Variants in TXNDC11 observed in about 807,000 individuals in gnomAD.
TXNDC11 encodes thioredoxin domain containing 11, also known as thioredoxin domain-containing protein 11.
In TXNDC11, 68 loss-of-function variants were observed where a neutral mutation model predicts 78.0. That is an observed-to-expected ratio of 0.87 (90% confidence interval 0.72 to 1.07). The LOEUF (loss-of-function observed/expected upper bound fraction) is 1.07. Ranked by LOEUF, TXNDC11 falls within the 50% of genes least tolerant of loss-of-function variation. TXNDC11 has a pLI of 0.00. For missense variants in TXNDC11, 1,389 were observed against 1,221.8 expected (o/e 1.14, Z -2.04); for synonymous variants, 571 against 495.2 (o/e 1.15, Z -2.03).
At chr16:11,705,041 T>G (rs1052172392) in intron 5 of TXNDC11, among the ~76,000 whole-genome samples, 1 of 152,064 alleles carries the variant, frequency 6.6e-6, no homozygotes, top group Non-Finnish European at 1.5e-5. Context: ...ATTATAGGCA[T>G]GCACCCCCAT....
chr16:11,702,134 A>T (rs947247184), intron 5 of TXNDC11, among the ~76,000 whole-genome samples: 1 of 151,768 alleles, frequency 6.6e-6, no homozygotes, highest in African/African-American at 2.4e-5. Flanking sequence ...CTACAGGCAC[A>T]TATGTTTAGA....
intron 5 of TXNDC11, among the ~76,000 whole-genome samples, chr16:11,705,973 T>A (rs1341953985): frequency 6.6e-6 from 1 of 152,208 alleles, no homozygotes; most frequent in East Asian, 1.9e-4. Context: ...AAATGAATTA[T>A]TTTGTCCTAA....
At chr16:11,726,438 G>A (rs577928835) in intron 4 of TXNDC11, among the ~76,000 whole-genome samples, 15 of 151,796 alleles carry the variant, frequency 9.9e-5, no homozygotes, top group South Asian at 4.2e-4. Flanking sequence ...AAAATTAACC[G>A]GGCATGGTGG....
chr16:11,690,309 G>A (rs2050674579), intron 8 of TXNDC11, among the ~76,000 whole-genome samples: 1 of 152,166 alleles, frequency 6.6e-6, no homozygotes, highest in Non-Finnish European at 1.5e-5. Context: ...AGTCCCAGGG[G>A]CAAGCTCTGG....
At chr16:11,736,434 C>T (rs778521880) in intron 1 of TXNDC11, among the ~76,000 whole-genome samples, 2 of 152,216 alleles carry the variant, frequency 1.3e-5, no homozygotes, top group Non-Finnish European at 2.9e-5. Flanking sequence ...CTCTGAGATT[C>T]TGTCCCCTAG....
intron 8 of TXNDC11, chr16:11,690,982 A>C: frequency 5.4e-6 from 2 of 367,002 alleles, no homozygotes; most frequent in South Asian, 3.0e-5. Flanking sequence ...CCAAGTCCCC[A>C]CTGCCTGCAG....
chr16:11,682,287 AATTCC>A (rs886322155), intron 11 of TXNDC11, among the ~76,000 whole-genome samples: 5 of 152,214 alleles, frequency 3.3e-5, no homozygotes, highest in Admixed American at 6.5e-5. Context: ...AAATGAGAAA[AATTCC>A]ATTCCAAAGC....
chr16:11,737,318 G>A (rs931988828), intron 1 of TXNDC11, among the ~76,000 whole-genome samples: 2 of 151,624 alleles, frequency 1.3e-5, no homozygotes, highest in East Asian at 1.9e-4. Flanking sequence ...GGTGATGGGC[G>A]CCTGTAATCC....
chr16:11,684,355 T>G (rs1231552894), intron 10 of TXNDC11, 110 bp from the exon 11 acceptor site: 3 of 729,628 alleles, frequency 4.1e-6, no homozygotes, highest in Non-Finnish European at 7.1e-6. Context: ...ACACCCCACA[T>G]TGGGCTAGTC....
chr16:11,702,088 A>G (rs940766510), intron 5 of TXNDC11, among the ~76,000 whole-genome samples: 26 of 134,608 alleles, frequency 1.9e-4, no homozygotes, highest in Non-Finnish European at 3.7e-4. Context: ...GTATGTATGT[A>G]TGTGTATATA....
intron 5 of TXNDC11, among the ~76,000 whole-genome samples, chr16:11,720,282 G>A (rs1365004780): frequency 2.0e-5 from 3 of 152,098 alleles, no homozygotes; most frequent in Non-Finnish European, 4.4e-5. Context: ...TGTGACATGC[G>A]TTTTATACCT....
chr16:11,738,800 G>A (rs1397891455), intron 1 of TXNDC11, among the ~76,000 whole-genome samples: 2 of 152,180 alleles, frequency 1.3e-5, no homozygotes, highest in South Asian at 2.1e-4. Context: ...GACAGAGGCG[G>A]GTGGATCACA....
At chr16:11,702,994 C>T (rs1422793673) in intron 5 of TXNDC11, among the ~76,000 whole-genome samples, 2 of 152,108 alleles carry the variant, frequency 1.3e-5, no homozygotes, top group Non-Finnish European at 2.9e-5. Context: ...GGACTGGAAA[C>T]GGGAAGGCAG....
chr16:11,691,730 G>A lies in TXNDC11; in HGVS notation c.1460C>T (p.Ser487Leu). Reference sequence around the variant, plus strand: ...AAAATTGCTGCATTCTATGCTGTCTGATGCCACATGATAAAAGGTCTGCTC... The same window carrying A: ...AAAATTGCTGCATTCTATGCTGTCTAATGCCACATGATAAAAGGTCTGCTC... ...LKEQTFYHVA[S>L]DSIECSNFLT... The change falls in exon 8 of 12, where the codon TCA becomes TTA. Residue 487 changes from serine (S) to leucine (L), a missense_variant. By Grantham distance (145) the Ser-to-Leu change is moderately radical. Coordinates refer to ENST00000283033, the MANE Select transcript of TXNDC11 (RefSeq NM_015914.7). 1 of 1,614,220 alleles carries A rather than the reference G, an allele frequency of 6.2e-7. No homozygotes were observed. The highest frequency in any genetic ancestry group is 8.5e-7 in the Non-Finnish European group (1 of 1,180,052).
intron 5 of TXNDC11, among the ~76,000 whole-genome samples, chr16:11,719,794 A>G (rs1351159914): frequency 6.6e-6 from 1 of 152,176 alleles, no homozygotes; most frequent in Non-Finnish European, 1.5e-5. Flanking sequence ...ACATACATAA[A>G]TGCAAACTGT....
chr16:11,729,464 T>TAG (rs35082889), intron 4 of TXNDC11, among the ~76,000 whole-genome samples: 91,891 of 151,920 alleles, frequency 0.6, 28,540 homozygotes, highest in African/African-American at 0.72. Flanking sequence ...AACACATATG[T>TAG]AGTTTCCAAC....
chr16:11,690,081 G>A (rs1428066924), intron 8 of TXNDC11: 2 of 152,230 alleles, frequency 1.3e-5, no homozygotes, highest in Non-Finnish European at 2.9e-5. Context: ...TAGAAGCTCT[G>A]AGTCTACTGT....
At chr16:11,706,292 GGT>G (rs1379725607) in intron 5 of TXNDC11, among the ~76,000 whole-genome samples, 1 of 152,200 alleles carries the variant, frequency 6.6e-6, no homozygotes, top group Non-Finnish European at 1.5e-5. Context: ...AGAAGGTCAA[GGT>G]GACCACAGCC....
Position 11,679,429 on chromosome 16 carries a change from G to A in TXNDC11, c.2643C>T (p.Ala881=), listed in dbSNP as rs377433544. ...QELARKLQEL[A]DASENLLTEN... Reference sequence around the variant, plus strand: ...CGGTAAGGAGGTTTTCTGAGGCATCGGCCAGCTCCTGCAGCTTGCGGGCCA... The same window carrying A: ...CGGTAAGGAGGTTTTCTGAGGCATCAGCCAGCTCCTGCAGCTTGCGGGCCA... Residue 881 remains alanine, a synonymous_variant, in exon 12 of 12, where the codon GCC becomes GCT. Coordinates refer to ENST00000283033, the MANE Select transcript of TXNDC11 (RefSeq NM_015914.7). This position sits in a 1 kb window ranked among gnomAD's most constrained non-coding sequence, Gnocchi z 4.6. The A allele has an allele frequency of 5.2e-5, 84 of 1,613,236 alleles. No individual in the cohort carries two copies. The highest frequency in any genetic ancestry group is 6.7e-5 in the African/African-American group (5 of 74,852).
Sources: gnomAD v4.1 joint callset for allele counts (sites outside exome capture counted in the v4.1 genomes callset) on GRCh38, gnomAD v4.1.1 for gene constraint, Gnocchi (gnomAD v3.1) non-coding constraint, MANE v1.5 for transcripts, NCBI Gene and HGNC (gene_info 2026-07-23, HGNC 2026-07-21) for gene names.